Variants in LRMDA observed in about 807,000 individuals in gnomAD.
LRMDA encodes the protein leucine-rich melanocyte differentiation-associated protein.
In LRMDA, 18 loss-of-function variants were observed where a neutral mutation model predicts 29.8. The observed-to-expected ratio is 0.60, with a 90% CI of 0.42 to 0.90. The LOEUF is 0.90. Among genes scored for constraint, LRMDA ranks in the 40% least tolerant of loss-of-function variants. The pLI is 0.00. For missense variants in LRMDA, 273 were observed against 273.9 expected (o/e 1.00, Z 0.02); for synonymous variants, 125 against 109.4 (o/e 1.14, Z -0.89).
At chr10:76,219,884 A>C (rs1851798120) in intron 5 of LRMDA, among the ~76,000 whole-genome samples, 1 of 152,214 alleles carries the variant, frequency 6.6e-6, no homozygotes, top group Non-Finnish European at 1.5e-5. Context: ...ACTCCTCAGC[A>C]AATGTAAAAG....
chr10:76,016,914 A>G (rs1847888579), intron 2 of LRMDA, among the ~76,000 whole-genome samples: 1 of 152,208 alleles, frequency 6.6e-6, no homozygotes, highest in Admixed American at 6.5e-5. Context: ...TTAGGCCTGG[A>G]TGAGAACCTT....
chr10:76,012,374 G>T (rs947271285), intron 2 of LRMDA, among the ~76,000 whole-genome samples: 2 of 152,114 alleles, frequency 1.3e-5, no homozygotes, highest in African/African-American at 4.8e-5. Context: ...GAGCTTTCAT[G>T]TCCCACTCCT....
chr10:76,543,344 G>C (rs1312649001), intron 6 of LRMDA, among the ~76,000 whole-genome samples: 5 of 104,772 alleles, frequency 4.8e-5, no homozygotes, highest in African/African-American at 2.0e-4. Context: ...GTGTGTGTGT[G>C]TGTGTGTGTG....
chr10:76,321,145 A>G (rs763670616), intron 5 of LRMDA, among the ~76,000 whole-genome samples: 8 of 152,222 alleles, frequency 5.3e-5, no homozygotes, highest in Non-Finnish European at 1.0e-4. Flanking sequence ...TGCTGCAATA[A>G]ACATTGTTTT....
At chr10:76,017,638 CT>C (rs1847899955) in intron 2 of LRMDA, among the ~76,000 whole-genome samples, 1 of 152,208 alleles carries the variant, frequency 6.6e-6, no homozygotes, top group Non-Finnish European at 1.5e-5. Flanking sequence ...GGGAAGGTAT[CT>C]TCCTGTGGTA....
rs530348471 is a variant in LRMDA at position 75,479,292 on chromosome 10, G to C, written c.131+40798G>C. Among the ~76,000 whole-genome samples, 7 of 152,190 alleles carry C rather than the reference G, an allele frequency of 4.6e-5. No homozygotes were observed. In the East Asian group the frequency reaches 1.4e-3, roughly 29 times the overall value. On this transcript the variant is annotated intron_variant, in intron 2 of 6. Transcript: ENST00000611255. ...GGAGGCCGAGGCGGGTGGATCACGA[G>C]GTCAGGAGATTGAGACCATCCTACA... is the stretch of plus-strand genomic sequence containing the variant.
At chr10:76,121,395 A>T (rs1849785852) in intron 5 of LRMDA, among the ~76,000 whole-genome samples, 1 of 152,192 alleles carries the variant, frequency 6.6e-6, no homozygotes, top group Non-Finnish European at 1.5e-5. Flanking sequence ...GCTGAATCAG[A>T]TGTTTAGAAG....
At chr10:76,086,421 CA>C (rs11296537) in intron 5 of LRMDA, among the ~76,000 whole-genome samples, 152,266 of 152,322 alleles carry the variant, frequency 1, 76,105 homozygotes, top group Non-Finnish European at 1. Context: ...TTTATTTCTT[CA>C]AACAAGCCCT....
At chr10:76,250,269 T>A (rs1852453217) in intron 5 of LRMDA, among the ~76,000 whole-genome samples, 1 of 152,266 alleles carries the variant, frequency 6.6e-6, no homozygotes, top group Middle Eastern at 3.4e-3. Flanking sequence ...CTGGAAAAAA[T>A]TCATTAGTTT....
At chr10:76,484,355 A>G (rs1564554919) in intron 6 of LRMDA, among the ~76,000 whole-genome samples, 1 of 151,816 alleles carries the variant, frequency 6.6e-6, no homozygotes, top group Non-Finnish European at 1.5e-5. Context: ...AAATCCCAAC[A>G]TTTTAATTAG....
At chr10:75,931,706 A>G (rs1357465084) in intron 2 of LRMDA, among the ~76,000 whole-genome samples, 1 of 152,194 alleles carries the variant, frequency 6.6e-6, no homozygotes, top group Non-Finnish European at 1.5e-5. Context: ...CAGAGAGAAG[A>G]GATTCCAGGC....
At chr10:75,502,526 A>G (rs1845124285) in intron 2 of LRMDA, among the ~76,000 whole-genome samples, 1 of 152,066 alleles carries the variant, frequency 6.6e-6, no homozygotes, top group African/African-American at 2.4e-5. Context: ...TAGCTAAATC[A>G]CCAGTGTTTC....
intron 2 of LRMDA, among the ~76,000 whole-genome samples, chr10:75,600,883 A>T (rs1335156349): frequency 6.6e-6 from 1 of 152,228 alleles, no homozygotes; most frequent in Non-Finnish European, 1.5e-5. Context: ...TTCACTGTTA[A>T]ACCACCAAGT....
At chr10:75,468,001 A>ACACAC (rs1844676904) in intron 2 of LRMDA, among the ~76,000 whole-genome samples, 1 of 94,500 alleles carries the variant, frequency 1.1e-5, no homozygotes, top group Non-Finnish European at 2.1e-5. Context: ...CACACACACA[A>ACACAC]AGTCGCAAAG....
At chr10:75,466,062 C>T (rs1039790521) in intron 2 of LRMDA, among the ~76,000 whole-genome samples, 6 of 152,188 alleles carry the variant, frequency 3.9e-5, no homozygotes, top group Non-Finnish European at 5.9e-5. Context: ...TGTTTTGAAT[C>T]GGACTCAGAT....
At chr10:76,184,522 G>A (rs975632609) in intron 5 of LRMDA, among the ~76,000 whole-genome samples, 2 of 152,208 alleles carry the variant, frequency 1.3e-5, no homozygotes, top group African/African-American at 2.4e-5. Context: ...GCCTTGCCCT[G>A]TAGCTTTCAT....
chr10:75,837,721 C>A (rs576001764), intron 2 of LRMDA, among the ~76,000 whole-genome samples: 8 of 151,832 alleles, frequency 5.3e-5, no homozygotes, highest in Middle Eastern at 3.4e-3. Flanking sequence ...ATCTTGTGTA[C>A]CCCATAGATA....
chr10:76,293,075 G>C (rs188456161), intron 5 of LRMDA, among the ~76,000 whole-genome samples: 147 of 152,282 alleles, frequency 9.7e-4, no homozygotes, highest in Admixed American at 1.6e-3. Flanking sequence ...CCGCCTCCCA[G>C]GTTCATGCAA....
intron 2 of LRMDA, among the ~76,000 whole-genome samples, chr10:76,007,002 G>T: frequency 1.1e-5 from 1 of 89,420 alleles, no homozygotes; most frequent in South Asian, 5.3e-4. Flanking sequence ...GTGTGTGTGT[G>T]TGTGTGTGTG....
Sources: gnomAD v4.1 joint callset for allele counts (sites outside exome capture counted in the v4.1 genomes callset) on GRCh38, gnomAD v4.1.1 for gene constraint, MANE v1.5 for transcripts, NCBI Gene and HGNC (gene_info 2026-07-23, HGNC 2026-07-21) for gene names.